Variants in MTDH observed in about 807,000 individuals in gnomAD.
MTDH encodes protein LYRIC.
Under a neutral mutation model 72.7 loss-of-function variants are expected in MTDH, and 34 were observed. That is an observed-to-expected ratio of 0.47 (90% CI 0.36 to 0.62). MTDH has a LOEUF of 0.62. Among genes scored for constraint, MTDH ranks in the 20% least tolerant of loss-of-function variants. The probability of loss-of-function intolerance (pLI) is 0.00; values close to 1 mark genes in which losing one functional copy is unlikely to be tolerated. For missense variants in MTDH, 677 were observed against 699.4 expected (o/e 0.97, Z 0.36); for synonymous variants, 266 against 268.9 (o/e 0.99, Z 0.10).
chr8:97,705,579 G>A (rs144598261), intron 7 of MTDH, among the ~76,000 whole-genome samples: 357 of 152,320 alleles, frequency 2.3e-3, no homozygotes, highest in African/African-American at 8.3e-3. Flanking sequence ...CAGCTTGGGC[G>A]ACAGAGCAAG....
chr8:97,695,804 T>C (rs10113645), intron 6 of MTDH, among the ~76,000 whole-genome samples: 7,036 of 152,262 alleles, frequency 0.046, 537 homozygotes, highest in African/African-American at 0.16. Flanking sequence ...ACTTATGTAA[T>C]TGTGAGGATT....
At chr8:97,669,311 A>T (rs72671513) in intron 2 of MTDH, among the ~76,000 whole-genome samples, 1 of 151,580 alleles carries the variant, frequency 6.6e-6, no homozygotes, top group East Asian at 2.0e-4. Flanking sequence ...CACCACACCC[A>T]ACTAATTTTT....
At chr8:97,679,524 G>A (rs1812985572) in intron 2 of MTDH, among the ~76,000 whole-genome samples, 2 of 152,134 alleles carry the variant, frequency 1.3e-5, no homozygotes, top group Admixed American at 6.6e-5. Flanking sequence ...AGTAAGCATG[G>A]CCAATCATGT....
chr8:97,652,479 A>G (rs1047756726), intron 1 of MTDH, among the ~76,000 whole-genome samples: 3 of 152,062 alleles, frequency 2.0e-5, no homozygotes, highest in Admixed American at 6.6e-5. Context: ...AACCCCTTAG[A>G]TGTTTCCTTC....
At chr8:97,674,204 T>G (rs1338022760) in intron 2 of MTDH, among the ~76,000 whole-genome samples, 1 of 152,128 alleles carries the variant, frequency 6.6e-6, no homozygotes, top group East Asian at 1.9e-4. Context: ...GAGATAGAGA[T>G]AAAGTGCAGG....
chr8:97,722,973 T>C lies in MTDH; in HGVS notation c.1616T>C (p.Ile539Thr). ...SDKSSSQVPP[I>T]LQETDKSKSN... ...AAGAGCTCTTCCCAAGTGCCGCCAA[T>C]ACTACAAGAGACAGATAAATCCAAG... The change falls in exon 11 of 12, where the codon ATA becomes ACA. Residue 539 changes from isoleucine to threonine, a missense_variant. Ile to Thr is a moderately conservative substitution (Grantham distance 89). Around this residue, in one of 3 missense-constraint regions of MTDH, gnomAD observed 201 missense variants for 204.5 expected, o/e 0.98. Coordinates refer to ENST00000336273, the MANE Select transcript of MTDH (RefSeq NM_178812.4). 3 of 1,614,098 alleles carry C rather than the reference T, an allele frequency of 1.9e-6. No individual in the cohort carries two copies. The highest frequency in any genetic ancestry group is 2.5e-6 in the Non-Finnish European group (3 of 1,179,986).
At chr8:97,662,061 G>A (rs925385407) in intron 2 of MTDH, among the ~76,000 whole-genome samples, 8 of 152,002 alleles carry the variant, frequency 5.3e-5, no homozygotes, top group Non-Finnish European at 8.8e-5. Flanking sequence ...CATTAGAACC[G>A]ACTCATTTTT....
chr8:97,683,168 G>A (rs534137686), intron 2 of MTDH, among the ~76,000 whole-genome samples: 43 of 140,810 alleles, frequency 3.1e-4, no homozygotes, highest in Non-Finnish European at 2.4e-4. Flanking sequence ...AGATTCAAGC[G>A]ATTCTACTGC....
chr8:97,706,814 TCACGC>T, intron 8 of MTDH, 64 bp downstream of exon 8: 1 of 1,528,852 alleles, frequency 6.5e-7, no homozygotes, highest in Admixed American at 1.9e-5. Context: ...GCACAGTGGC[TCACGC>T]CTATGATTCC....
chr8:97,706,730 C>A lies in MTDH; in HGVS notation c.1252C>A (p.Pro418Thr). The stretch of plus-strand genomic sequence containing the variant: ...AGCTTCACTTCTAAAGTCCCAGGAA[C>A]CAATTCCTGATGATCAAAAGGTGAG... The part of the protein sequence containing the change: ...ERASLLKSQE[P>T]IPDDQKVSDD... The change falls in exon 8 of 12, where the codon CCA becomes ACA. Residue 418 changes from proline to threonine, a missense_variant. Transcript: ENST00000336273. 1 of 1,613,496 alleles carries A rather than the reference C, an allele frequency of 6.2e-7. No homozygotes were observed. The highest frequency in any genetic ancestry group is 8.5e-7 in the Non-Finnish European group (1 of 1,179,750).
intron 1 of MTDH, among the ~76,000 whole-genome samples, chr8:97,653,826 G>GGAAT (rs1811864247): frequency 6.6e-6 from 1 of 152,194 alleles, no homozygotes; most frequent in Non-Finnish European, 1.5e-5. Context: ...ACTGCTCCAT[G>GGAAT]GAATGCCAGG....
chr8:97,702,111 C>A (rs1036565494), intron 7 of MTDH, among the ~76,000 whole-genome samples: 1 of 152,146 alleles, frequency 6.6e-6, no homozygotes, highest in Admixed American at 6.5e-5. Context: ...AAGTATATTA[C>A]ATTAGATTTA....
intron 2 of MTDH, among the ~76,000 whole-genome samples, chr8:97,669,878 G>A (rs1364616410): frequency 2.1e-5 from 3 of 140,258 alleles, no homozygotes; most frequent in African/African-American, 8.2e-5. Flanking sequence ...AGCAGAGATC[G>A]CACCACTGCA....
chr8:97,685,986 A>G (rs983621474), intron 2 of MTDH, among the ~76,000 whole-genome samples: 2 of 152,208 alleles, frequency 1.3e-5, no homozygotes, highest in Non-Finnish European at 2.9e-5. Flanking sequence ...GAAAACAGCC[A>G]TAACTTGTAT....
At chr8:97,685,052 C>A (rs1010267538) in intron 2 of MTDH, among the ~76,000 whole-genome samples, 1 of 152,194 alleles carries the variant, frequency 6.6e-6, no homozygotes, top group East Asian at 1.9e-4. Context: ...GGTGACAGAG[C>A]GAGACTCCGT....
Position 97,723,020 on chromosome 8 carries a change from G to A in MTDH, c.1663G>A (p.Val555Met). 6.2e-7 allele frequency: 1 copy of A among 1,613,878 alleles called. No homozygotes were observed. Among genetic ancestry groups the A allele is most frequent in the Non-Finnish European group, 8.5e-7 (1 of 1,179,910 alleles). Residue 555 changes from valine (V) to methionine (M), a missense_variant, in exon 11 of 12, where the codon GTG becomes ATG. Coordinates refer to ENST00000336273, the MANE Select transcript of MTDH (RefSeq NM_178812.4). ...CAAGTCAAATACCAAGCAAAATAGT[G>A]TGCCTCCTTCACAGAGTAAGTAATC... Reference protein sequence around the residue: ...KSKSNTKQNSVPPSQTKSETS... With the variant: ...KSKSNTKQNSMPPSQTKSETS...
chr8:97,660,018 G>A (rs1478228707), intron 1 of MTDH, among the ~76,000 whole-genome samples: 1 of 152,118 alleles, frequency 6.6e-6, no homozygotes, highest in African/African-American at 2.4e-5. Context: ...AATTAGCCGG[G>A]CGTGGTGGCA....
chr8:97,697,935 G>A (rs1352219552), intron 6 of MTDH, among the ~76,000 whole-genome samples: 2 of 152,202 alleles, frequency 1.3e-5, no homozygotes, highest in Admixed American at 6.5e-5. Context: ...CAGTGTTACA[G>A]TACTGCTTCT....
At chr8:97,715,637 G>A (rs956377529) in intron 9 of MTDH, among the ~76,000 whole-genome samples, 4 of 152,172 alleles carry the variant, frequency 2.6e-5, no homozygotes, top group African/African-American at 7.2e-5. Flanking sequence ...TCTATAATAG[G>A]TATGCTTTTC....
Sources: gnomAD v4.1 joint callset for allele counts (sites outside exome capture counted in the v4.1 genomes callset) on GRCh38, gnomAD v4.1.1 for gene constraint, gnomAD v4.1.1 regional missense constraint, MANE v1.5 for transcripts, NCBI Gene and HGNC (gene_info 2026-07-23, HGNC 2026-07-21) for gene names.